DGKD: variants seen among roughly 807,000 people sequenced by gnomAD.
DGKD encodes the protein DAG kinase delta.
DGKD carries 68 observed loss-of-function variants against 154.4 expected under a neutral mutation model. The observed-to-expected ratio is 0.44, with a 90% CI of 0.36 to 0.54. The LOEUF (loss-of-function observed/expected upper bound fraction) is 0.54. Ranked by LOEUF, DGKD falls within the 20% of genes least tolerant of loss-of-function variation. DGKD has a pLI of 0.00. For synonymous variants in DGKD, 693 were observed against 638.0 expected (o/e 1.09, Z -1.30); for missense variants, 1,343 against 1,593.6 (o/e 0.84, Z 2.68).
In DGKD at chr2:233,408,005, C is replaced by T. The variant is rs549964909; in HGVS notation, c.348+17522C>T. ...TTTCAGATATTTTCTGGGCAAAATTCCTAAGCCAGTTAACTTTGGCTCGGA... is the reference window on the plus strand; with the variant it reads ...TTTCAGATATTTTCTGGGCAAAATTTCTAAGCCAGTTAACTTTGGCTCGGA... On this transcript the variant is annotated intron_variant, in intron 3 of 29. Coordinates refer to ENST00000264057, the MANE Select transcript of DGKD (RefSeq NM_152879.3). Among the ~76,000 whole-genome samples the T allele has an allele frequency of 3.3e-5, 5 of 151,868 alleles. No individual in the cohort carries two copies. The East Asian group carries it at 9.7e-4, about 29-fold the overall frequency.
chr2:233,374,376 C>A (rs1298506241), intron 1 of DGKD, among the ~76,000 whole-genome samples: 1 of 152,066 alleles, frequency 6.6e-6, no homozygotes, highest in Non-Finnish European at 1.5e-5. Flanking sequence ...GCCCTGTCAC[C>A]CAGGCTGGAG....
intron 28 of DGKD, 104 bp downstream of exon 28, chr2:233,467,307 C>G: frequency 1.2e-6 from 1 of 824,200 alleles, no homozygotes; most frequent in East Asian, 2.4e-5. Flanking sequence ...GCTCCTCCCT[C>G]TTGGTCCCTG....
At chr2:233,436,500 G>T in intron 7 of DGKD, 59 bp downstream of exon 7, 1 of 1,567,410 alleles carries the variant, frequency 6.4e-7, no homozygotes. Flanking sequence ...CCGTGCCCAT[G>T]CGGGCCTTGC....
At position 233,437,452 on chromosome 2, in the gene DGKD, A is replaced by G. The variant is rs2062736843; in HGVS notation, c.895A>G (p.Thr299Ala). The G allele has an allele frequency of 6.2e-7, 1 of 1,614,200 alleles. No homozygotes were observed. The highest frequency in any genetic ancestry group is 8.5e-7 in the Non-Finnish European group (1 of 1,180,036). ...GTGCAAAGTGTCAGTCATCCCACCC[A>G]CGGCTCTCAACAGCATCGACTCCGA... ...GLCKVSVIPPTALNSIDSDGF... is the reference protein window; with the variant it reads ...GLCKVSVIPPAALNSIDSDGF... Residue 299 changes from threonine (T) to alanine (A), a missense_variant, in exon 8 of 30, where the codon ACG becomes GCG. Physicochemically the swap from Thr to Ala is moderately conservative, Grantham distance 58. Transcript: ENST00000264057.
rs1370794731 is a variant in DGKD, at chr2:233,354,838, G to T, written c.156+164G>T. Among the ~76,000 whole-genome samples the T allele has an allele frequency of 4.1e-5, 6 of 145,116 alleles. 1 individual carries two copies. The highest frequency in any genetic ancestry group is 4.1e-4 in the Admixed American group (6 of 14,696). On this transcript the variant is annotated intron_variant, in intron 1 of 29. Transcript: ENST00000264057. This position sits in a 1 kb window ranked among gnomAD's most constrained non-coding sequence, Gnocchi z 4.8. The stretch of plus-strand genomic sequence containing the variant: ...CGAGCGTGCCCCGCCGCTGTAACGG[G>T]CCGGCGCCCCGGGCGGAGCGCGCGG...
At position 233,393,683 on chromosome 2, in the gene DGKD, G is replaced by T. The variant is rs1218382434; in HGVS notation, c.348+3200G>T. Among the ~76,000 whole-genome samples the T allele has an allele frequency of 8.6e-5, 11 of 128,386 alleles. No individual in the cohort carries two copies. In the South Asian group the frequency reaches 1.5e-3, roughly 18 times the overall value. 84.2% of individuals were successfully genotyped at this position (128,386 alleles called of 152,430 possible). A position where few individuals can be genotyped will look rare whatever the true frequency, so the allele number is the denominator to read the frequency against. On this transcript the variant is annotated intron_variant, in intron 3 of 29. Coordinates refer to ENST00000264057, the MANE Select transcript of DGKD (RefSeq NM_152879.3). ...TCAGTGTCTGTATTTATGTGTATTG[G>T]TTTTTTTTTTTTTTTTTTTAGATGG...
intron 3 of DGKD, among the ~76,000 whole-genome samples, chr2:233,428,702 C>T (rs149759202): frequency 6.6e-6 from 1 of 152,284 alleles, no homozygotes; most frequent in East Asian, 1.9e-4. Flanking sequence ...CACATTTGGT[C>T]CTGTTCAGTC....
chr2:233,455,734 A>G (rs2063440355), intron 19 of DGKD, among the ~76,000 whole-genome samples: 1 of 152,264 alleles, frequency 6.6e-6, no homozygotes, highest in African/African-American at 2.4e-5. Context: ...CGCCCTCCTC[A>G]TGGCGTCACT....
At chr2:233,385,290 G>T (rs1703113258) in intron 1 of DGKD, among the ~76,000 whole-genome samples, 1 of 152,198 alleles carries the variant, frequency 6.6e-6, no homozygotes, top group South Asian at 2.1e-4. Context: ...TCAGTGGGTG[G>T]CCGTGGACCA....
At chr2:233,432,172 ACGAGGTCAGGAGATCGTGACCATCC>A (rs2062538330) in intron 3 of DGKD, among the ~76,000 whole-genome samples, 1 of 144,740 alleles carries the variant, frequency 6.9e-6, no homozygotes, top group Non-Finnish European at 1.5e-5. Context: ...TGGGCGGATC[ACGAGGTCAGGAGATCGTGACCATCC>A]TGGCTAACAC....
At chr2:233,364,444 G>C (rs1330547022) in intron 1 of DGKD, among the ~76,000 whole-genome samples, 1 of 152,146 alleles carries the variant, frequency 6.6e-6, no homozygotes, top group East Asian at 1.9e-4. Context: ...TTATGCCTTT[G>C]GGTTTAAATT....
At chr2:233,391,298 A>C (rs1230233898) in intron 3 of DGKD, among the ~76,000 whole-genome samples, 1 of 152,190 alleles carries the variant, frequency 6.6e-6, no homozygotes, top group African/African-American at 2.4e-5. Context: ...ACCACTTGGA[A>C]GTGGCCAGCT....
intron 1 of DGKD, among the ~76,000 whole-genome samples, chr2:233,387,619 A>AT (rs1271017155): frequency 6.6e-6 from 1 of 152,128 alleles, no homozygotes; most frequent in African/African-American, 2.4e-5. Context: ...CCATTTCTGG[A>AT]TTCTCGTAAG....
Position 233,371,629 on chromosome 2 carries a change from T to C in DGKD, c.157-16628T>C, listed in dbSNP as rs192691229. ...TTGCCTAATCCAAAGACAAGATTTATACCTATGTTCTTCCACGAGTTTTGT... is the reference window on the plus strand; with the variant it reads ...TTGCCTAATCCAAAGACAAGATTTACACCTATGTTCTTCCACGAGTTTTGT... On this transcript the variant is annotated intron_variant, in intron 1 of 29. Transcript: ENST00000264057. Among the ~76,000 whole-genome samples the C allele has an allele frequency of 1.7e-4, 26 of 152,374 alleles. No homozygotes were observed. In the East Asian group the frequency reaches 4.0e-3, roughly 24 times the overall value.
At chr2:233,386,520 T>G (rs1264767524) in intron 1 of DGKD, among the ~76,000 whole-genome samples, 1 of 120,450 alleles carries the variant, frequency 8.3e-6, no homozygotes, top group Non-Finnish European at 1.6e-5. Flanking sequence ...AGATGCTAAC[T>G]GTATGCTGGG....
Position 233,442,012 on chromosome 2 carries a change from G to A in DGKD, c.1194+17G>A. ...CATAAACAGGTACCAGGACAGGAGG[G>A]AGCCCAGCCAGGAGCAGAGAGGGTG... On this transcript the variant is annotated intron_variant, in intron 10 of 29. Coordinates refer to ENST00000264057, the MANE Select transcript of DGKD (RefSeq NM_152879.3). 6.2e-7 allele frequency: 1 copy of A among 1,610,212 alleles called. No homozygotes were observed. The highest frequency in any genetic ancestry group is 1.7e-4 in the Middle Eastern group (1 of 6,044).
chr2:233,436,044 TTGGGTGGCACAG>T lies in DGKD; in HGVS notation c.693+124_693+135del. On this transcript the variant is annotated intron_variant, in intron 6 of 29. Coordinates refer to ENST00000264057, the MANE Select transcript of DGKD (RefSeq NM_152879.3). ...TTCATTTGAGATGGTCACACTGGCA[TTGGGTGGCACAG>T]TGGAAATTATATGCGGTCTCCGTGT... 5.2e-6 allele frequency: 6 copies of T among 1,149,676 alleles called. 1 individual carries two copies. In the South Asian group the frequency reaches 7.5e-5, roughly 14 times the overall value. 71.2% of individuals were successfully genotyped at this position (1,149,676 alleles called of 1,614,324 possible). A position where few individuals can be genotyped will look rare whatever the true frequency, so the allele number is the denominator to read the frequency against.
At chr2:233,373,394 A>G (rs957971805) in intron 1 of DGKD, among the ~76,000 whole-genome samples, 1 of 152,166 alleles carries the variant, frequency 6.6e-6, no homozygotes, top group Admixed American at 6.6e-5. Flanking sequence ...GCATTTTCTA[A>G]AATGAGCATG....
rs1575162967 is a variant in DGKD, at chr2:233,458,054, A to G, written c.2581-230A>G. ...CGTTAGTTTCCCCATTTTACGCATG[A>G]GGAAATGGGGGAGAGAGAGATTCAG... On this transcript the variant is annotated intron_variant, in intron 21 of 29. Transcript: ENST00000264057. The surrounding 1 kb of genome is among the most constrained non-coding windows in gnomAD (Gnocchi z 6.6). Among the ~76,000 whole-genome samples, 1 of 152,178 alleles carries G rather than the reference A, an allele frequency of 6.6e-6. No individual in the cohort carries two copies. The highest frequency in any genetic ancestry group is 3.4e-3 in the Middle Eastern group (1 of 294).
Sources: gnomAD v4.1 joint callset for allele counts (sites outside exome capture counted in the v4.1 genomes callset) on GRCh38, gnomAD v4.1.1 for gene constraint, Gnocchi (gnomAD v3.1) non-coding constraint, MANE v1.5 for transcripts, NCBI Gene and HGNC (gene_info 2026-07-23, HGNC 2026-07-21) for gene names.